Variants in SHANK2 observed in about 807,000 individuals in gnomAD.
SHANK2 encodes SH3 and multiple ankyrin repeat domains protein 2.
Under a neutral mutation model 133.7 loss-of-function variants are expected in SHANK2, and 43 were observed. The ratio of observed to expected loss-of-function variants is 0.32; its 90% CI spans 0.25 to 0.41. The LOEUF is 0.41. SHANK2 is among the 10% of genes least tolerant of loss of function. SHANK2 has a pLI of 1.00. For missense variants in SHANK2, 1,994 were observed against 2,235.8 expected (o/e 0.89, Z 2.18); for synonymous variants, 1,017 against 952.8 (o/e 1.07, Z -1.24).
chr11:70,498,759 G>A (rs977070454), intron 21 of SHANK2, among the ~76,000 whole-genome samples: 21 of 152,172 alleles, frequency 1.4e-4, no homozygotes, highest in African/African-American at 3.1e-4. Flanking sequence ...CAATGGAAAC[G>A]TATCCCTGCA....
chr11:70,720,937 G>A (rs566903677), intron 14 of SHANK2, among the ~76,000 whole-genome samples: 31 of 152,352 alleles, frequency 2.0e-4, no homozygotes, highest in South Asian at 1.0e-3. Context: ...TGGGAATTGG[G>A]AATTCTTTTC....
chr11:71,199,627 G>A (rs74362514), intron 2 of SHANK2, among the ~76,000 whole-genome samples: 4,643 of 152,328 alleles, frequency 0.03, 106 homozygotes, highest in African/African-American at 0.062. Flanking sequence ...AGCATGCAGG[G>A]AAGATGTGAC....
At chr11:70,820,909 G>A (rs1434222292) in intron 11 of SHANK2, among the ~76,000 whole-genome samples, 9 of 152,178 alleles carry the variant, frequency 5.9e-5, no homozygotes, top group East Asian at 5.8e-4. Context: ...ACATCTCCAC[G>A]GCACGGAGCT....
At chr11:71,130,496 T>C (rs1361634571) in intron 3 of SHANK2, among the ~76,000 whole-genome samples, 3 of 152,160 alleles carry the variant, frequency 2.0e-5, no homozygotes, top group African/African-American at 4.8e-5. Context: ...TTTGGAAGAT[T>C]GTAGTGAGGG....
At chr11:70,799,278 A>G (rs1947991311) in intron 13 of SHANK2, among the ~76,000 whole-genome samples, 1 of 152,082 alleles carries the variant, frequency 6.6e-6, no homozygotes. Flanking sequence ...CATGCCTGTA[A>G]TCTCAGCTAC....
chr11:70,649,076 A>G (rs2061306821), intron 17 of SHANK2, among the ~76,000 whole-genome samples: 1 of 152,102 alleles, frequency 6.6e-6, no homozygotes, highest in African/African-American at 2.4e-5. Context: ...AGAGTGTCCA[A>G]TGGCGACGTT....
chr11:70,723,763 G>GA (rs1353667335), intron 14 of SHANK2, among the ~76,000 whole-genome samples: 5 of 152,144 alleles, frequency 3.3e-5, no homozygotes, highest in Non-Finnish European at 7.3e-5. Context: ...CTCTATGGGT[G>GA]AAACTGTCTC....
intron 15 of SHANK2, among the ~76,000 whole-genome samples, chr11:70,696,966 C>T (rs115488706): frequency 7.2e-5 from 11 of 152,182 alleles, no homozygotes; most frequent in African/African-American, 2.2e-4. Flanking sequence ...CGCTACAACA[C>T]GAATGAACCT....
intron 8 of SHANK2, among the ~76,000 whole-genome samples, chr11:71,081,579 G>A (rs1473859357): frequency 1.3e-5 from 2 of 152,166 alleles, no homozygotes; most frequent in Admixed American, 6.5e-5. Context: ...TGCTGGTCTC[G>A]GGGTCTTCAC....
chr11:70,558,605 G>A (rs1349238799), intron 17 of SHANK2, among the ~76,000 whole-genome samples: 1 of 152,248 alleles, frequency 6.6e-6, no homozygotes, highest in Non-Finnish European at 1.5e-5. Flanking sequence ...CCCCCATGGG[G>A]ATGCTAGCTG....
chr11:70,753,333 A>C (rs1314879889), intron 14 of SHANK2, among the ~76,000 whole-genome samples: 4 of 152,218 alleles, frequency 2.6e-5, no homozygotes, highest in Admixed American at 6.5e-5. Context: ...GACCGAACTG[A>C]CATTTAAAGA....
At chr11:71,152,933 G>A (rs79702339) in intron 2 of SHANK2, among the ~76,000 whole-genome samples, 2,287 of 152,270 alleles carry the variant, frequency 0.015, 51 homozygotes, top group African/African-American at 0.051. Context: ...GGCAGAAGGC[G>A]CAAGTCCCAT....
chr11:71,238,606 G>C (rs569694810), intron 1 of SHANK2, among the ~76,000 whole-genome samples: 1 of 152,178 alleles, frequency 6.6e-6, no homozygotes, highest in Non-Finnish European at 1.5e-5. Flanking sequence ...AGAGGCCAGA[G>C]GCCCCTCCTG....
intron 5 of SHANK2, among the ~76,000 whole-genome samples, chr11:71,113,068 C>A (rs1455580989): frequency 6.6e-6 from 1 of 152,182 alleles, no homozygotes; most frequent in African/African-American, 2.4e-5. Context: ...GCCTCCCTTC[C>A]CCCAGCACCC....
Position 70,913,086 on chromosome 11 carries a change from A to T in SHANK2, c.1108-16519T>A, listed in dbSNP as rs75903789. Among the ~76,000 whole-genome samples, 8 of 16,220 alleles carry T rather than the reference A, an allele frequency of 4.9e-4. No homozygotes were observed. In the Admixed American group the frequency reaches 5.6e-3, roughly 11 times the overall value. The allele number at this position is 16,220 out of a possible 152,430, so 10.6% of individuals were successfully genotyped here. A position where few individuals can be genotyped will look rare whatever the true frequency, so the allele number is the denominator to read the frequency against. On this transcript the variant is annotated intron_variant, in intron 10 of 25. Transcript: ENST00000601538. The stretch of plus-strand genomic sequence containing the variant: ...TTCTCCAGCAAAGAAAAGGAAATTA[A>T]AAAAAAAAAAAAAACCTACCCTCCC...
intron 1 of SHANK2, among the ~76,000 whole-genome samples, chr11:71,250,081 A>C (rs1948152969): frequency 1.3e-5 from 2 of 151,860 alleles, no homozygotes; most frequent in African/African-American, 4.8e-5. Context: ...ACTTGGAGAC[A>C]GTACACAGAA....
rs2059536131 is a variant in SHANK2, at chr11:70,535,830, TGGGA to T, written c.2062-32903_2062-32900del. On this transcript the variant is annotated intron_variant, in intron 17 of 25. Transcript: ENST00000601538. This position sits in a 1 kb window ranked among gnomAD's most constrained non-coding sequence, Gnocchi z 4.3. The stretch of plus-strand genomic sequence containing the variant: ...TGGCAGGGAGCTGGGCCCAGGCACT[TGGGA>T]AGCTTGGGAGCCTGAGAAGAAGGTG... Among the ~76,000 whole-genome samples, 1 of 152,108 alleles carries T rather than the reference TGGGA, an allele frequency of 6.6e-6. No individual in the cohort carries two copies. Among genetic ancestry groups the T allele is most frequent in the Admixed American group, 6.5e-5 (1 of 15,286 alleles).
At chr11:70,727,279 G>T (rs1946197529) in intron 14 of SHANK2, among the ~76,000 whole-genome samples, 1 of 152,250 alleles carries the variant, frequency 6.6e-6, no homozygotes. Flanking sequence ...AGCCGGGGTG[G>T]AAGTATTACT....
rs1235275758 is a variant in SHANK2, at chr11:70,618,309, A to AAAAAG, written c.2061+41514_2061+41518dup. Reference sequence around the variant, plus strand: ...GACTCGGTCTCAGAAAAAAAAAAAAAAAAAGAAATGTTTGATTCTGATGTG... The same window carrying AAAAAG: ...GACTCGGTCTCAGAAAAAAAAAAAAAAAAAGAAAAGAAATGTTTGATTCTGATGTG... On this transcript the variant is annotated intron_variant, in intron 17 of 25. Coordinates refer to ENST00000601538, the MANE Select transcript of SHANK2 (RefSeq NM_012309.5). 3.3e-5 allele frequency among the ~76,000 whole-genome samples: 5 copies of AAAAAG among 152,026 alleles called. 1 individual carries two copies. Among genetic ancestry groups the AAAAAG allele is most frequent in the Non-Finnish European group, 7.4e-5 (5 of 68,004 alleles).
Sources: allele counts gnomAD v4.1 joint callset (sites outside exome capture counted in the v4.1 genomes callset), GRCh38; gene constraint gnomAD v4.1.1; non-coding constraint Gnocchi (gnomAD v3.1); transcripts MANE v1.5; gene names NCBI Gene and HGNC (gene_info 2026-07-23, HGNC 2026-07-21).